The following DOCK1 variants were observed in gnomAD, a reference collection of about 807,000 sequenced individuals.
DOCK1 encodes dedicator of cytokinesis protein 1.
A neutral mutation model predicts 262.7 loss-of-function variants in DOCK1; 138 were observed. The ratio of observed to expected loss-of-function variants is 0.53; its 90% CI spans 0.46 to 0.61. The LOEUF is 0.61. Among genes scored for constraint, DOCK1 ranks in the 20% least tolerant of loss-of-function variants. The pLI is 0.00. For missense variants in DOCK1, 1,908 were observed against 2,370.7 expected (o/e 0.80, Z 4.05); for synonymous variants, 866 against 867.4 (o/e 1.00, Z 0.03).
intron 23 of DOCK1, among the ~76,000 whole-genome samples, chr10:127,074,320 G>A (rs1338841053): frequency 1.3e-5 from 2 of 152,176 alleles, no homozygotes; most frequent in African/African-American, 4.8e-5. Context: ...CAGGAACAGA[G>A]GGGTCCTAGG....
intron 27 of DOCK1, among the ~76,000 whole-genome samples, chr10:127,172,842 C>T (rs369613618): frequency 1.3e-5 from 2 of 152,138 alleles, no homozygotes; most frequent in Non-Finnish European, 2.9e-5. Context: ...TCTGGGATAC[C>T]GGAGTGAATG....
intron 47 of DOCK1, among the ~76,000 whole-genome samples, chr10:127,432,988 C>T (rs1462378967): frequency 6.6e-6 from 1 of 152,198 alleles, no homozygotes; most frequent in East Asian, 1.9e-4. Flanking sequence ...GGCACATTCT[C>T]CTGTGGCTTT....
intron 21 of DOCK1, among the ~76,000 whole-genome samples, chr10:127,049,381 T>C (rs10765170): frequency 0.88 from 133,666 of 152,014 alleles, 58,951 homozygotes; most frequent in South Asian, 0.93. Context: ...ATTCGCCAAG[T>C]GTGGTGGTGG....
chr10:127,042,707 A>T lies in DOCK1; in HGVS notation c.2093A>T (p.Asp698Val), dbSNP rs1219227153. 1.2e-6 allele frequency: 2 copies of T among 1,613,894 alleles called. No homozygotes were observed. Among genetic ancestry groups the T allele is most frequent in the Admixed American group, 3.3e-5 (2 of 60,000 alleles). The change falls in exon 20 of 52, where the codon GAT (aspartate) becomes GTT (valine). Residue 698 changes from aspartate (D) to valine (V), a missense_variant. Coordinates refer to ENST00000623213, the MANE Select transcript of DOCK1 (RefSeq NM_001290223.2). ...GAGACTTTTGACACGTTAGTCTTTGATGCTCTGGTAAGAGAGCTTTCCTTC... is the reference window on the plus strand; with the variant it reads ...GAGACTTTTGACACGTTAGTCTTTGTTGCTCTGGTAAGAGAGCTTTCCTTC... The part of the protein sequence containing the change: ...ESETFDTLVF[D>V]ALVFIIGLIA...
chr10:127,081,914 C>T (rs1028208110), intron 23 of DOCK1, among the ~76,000 whole-genome samples: 3 of 152,190 alleles, frequency 2.0e-5, no homozygotes, highest in Non-Finnish European at 4.4e-5. Flanking sequence ...CATTTCGCCA[C>T]CCCAGTGATC....
chr10:127,024,177 G>A (rs997687328), intron 14 of DOCK1, among the ~76,000 whole-genome samples: 10 of 152,166 alleles, frequency 6.6e-5, no homozygotes, highest in African/African-American at 2.2e-4. Flanking sequence ...GCTCAGTGTC[G>A]CCAAGAGAAG....
intron 1 of DOCK1, among the ~76,000 whole-genome samples, chr10:126,929,980 C>G (rs2034065963): frequency 1.3e-5 from 2 of 152,116 alleles, no homozygotes; most frequent in South Asian, 4.1e-4. Context: ...TTTCCTCTTC[C>G]CCCAGCTCCT....
intron 26 of DOCK1, among the ~76,000 whole-genome samples, chr10:127,126,548 T>C (rs1330740325): frequency 2.0e-5 from 3 of 152,018 alleles, no homozygotes; most frequent in African/African-American, 4.8e-5. Context: ...CTGGGCAACA[T>C]AGTGAGAGCC....
At chr10:127,055,776 G>T (rs1292973179) in intron 22 of DOCK1, among the ~76,000 whole-genome samples, 2 of 152,084 alleles carry the variant, frequency 1.3e-5, no homozygotes, top group African/African-American at 2.4e-5. Flanking sequence ...ATCTCTTTAG[G>T]CCCTAAGTGA....
At chr10:127,063,485 A>G (rs2045670121) in intron 23 of DOCK1, among the ~76,000 whole-genome samples, 1 of 151,930 alleles carries the variant, frequency 6.6e-6, no homozygotes, top group South Asian at 2.1e-4. Flanking sequence ...TTTTTTTTAC[A>G]TGATTTACTA....
chr10:127,064,023 G>A (rs546938154), intron 23 of DOCK1, among the ~76,000 whole-genome samples: 39 of 152,318 alleles, frequency 2.6e-4, no homozygotes, highest in African/African-American at 8.9e-4. Flanking sequence ...GATTCCCATC[G>A]TGGGAGCCTG....
intron 31 of DOCK1, among the ~76,000 whole-genome samples, chr10:127,347,011 G>T (rs995592129): frequency 2.6e-5 from 4 of 152,218 alleles, no homozygotes; most frequent in African/African-American, 7.2e-5. Flanking sequence ...AGGCCACGCG[G>T]CACACACGTG....
chr10:127,138,207 T>A (rs1159382862), intron 27 of DOCK1, among the ~76,000 whole-genome samples: 4 of 152,244 alleles, frequency 2.6e-5, no homozygotes, highest in Non-Finnish European at 5.9e-5. Flanking sequence ...GAGGCTCACT[T>A]CCTTTGGAAA....
chr10:127,402,871 C>T (rs566461919), intron 38 of DOCK1, among the ~76,000 whole-genome samples, 184 bp from the exon 39 acceptor site: 6 of 152,276 alleles, frequency 3.9e-5, no homozygotes, highest in Non-Finnish European at 5.9e-5. Context: ...CAGCTGATGC[C>T]GCAGGTCACG....
chr10:127,275,209 A>T (rs1413089535), intron 29 of DOCK1, among the ~76,000 whole-genome samples: 1 of 152,148 alleles, frequency 6.6e-6, no homozygotes, highest in African/African-American at 2.4e-5. Flanking sequence ...GCAGTGGAAG[A>T]TAAGTCAGCA....
At chr10:127,180,604 T>C (rs756051348) in intron 27 of DOCK1, among the ~76,000 whole-genome samples, 11 of 152,230 alleles carry the variant, frequency 7.2e-5, no homozygotes, top group African/African-American at 2.4e-4. Context: ...CCTGCATTTT[T>C]AGATTAGTGA....
At chr10:127,085,322 C>T (rs547681600) in intron 23 of DOCK1, among the ~76,000 whole-genome samples, 2 of 152,242 alleles carry the variant, frequency 1.3e-5, no homozygotes, top group East Asian at 3.9e-4. Context: ...TATCAGTGGG[C>T]AGGGGGTACA....
chr10:126,967,553 A>G (rs1200199762), intron 1 of DOCK1, among the ~76,000 whole-genome samples: 5 of 151,934 alleles, frequency 3.3e-5, no homozygotes, highest in African/African-American at 1.2e-4. Flanking sequence ...AACTCGGGCT[A>G]AGATACGAGA....
At chr10:127,347,640 G>A (rs947996830) in intron 31 of DOCK1, among the ~76,000 whole-genome samples, 2 of 151,478 alleles carry the variant, frequency 1.3e-5, no homozygotes, top group South Asian at 2.1e-4. Flanking sequence ...AACGATGGGC[G>A]CTGACTTGGA....
Sources: gnomAD v4.1 joint callset for allele counts (sites outside exome capture counted in the v4.1 genomes callset) on GRCh38, gnomAD v4.1.1 for gene constraint, MANE v1.5 for transcripts, NCBI Gene and HGNC (gene_info 2026-07-23, HGNC 2026-07-21) for gene names.